Variants in ELOVL7 observed in about 807,000 individuals in gnomAD.
ELOVL7 encodes the protein ELOVL fatty acid elongase 7, also known as very long chain fatty acid elongase 7.
Under a neutral mutation model 35.7 loss-of-function variants are expected in ELOVL7, and 27 were observed. The observed-to-expected ratio is 0.76, with a 90% confidence interval of 0.56 to 1.04. ELOVL7 has a LOEUF of 1.04. Ranked by LOEUF, ELOVL7 falls within the 50% of genes least tolerant of loss-of-function variation. ELOVL7 has a pLI of 0.00. For synonymous variants in ELOVL7, 113 were observed against 114.6 expected (o/e 0.99, Z 0.09); for missense variants, 327 against 340.8 (o/e 0.96, Z 0.32).
At chr5:60,842,534 G>A (rs2112422849) in intron 1 of ELOVL7, among the ~76,000 whole-genome samples, 1 of 151,430 alleles carries the variant, frequency 6.6e-6, no homozygotes, top group Non-Finnish European at 1.5e-5. Context: ...AGGGTGTGGG[G>A]ATCCTAAACT....
intron 1 of ELOVL7, chr5:60,843,294 C>CT (rs1747291457): frequency 6.6e-6 from 1 of 152,334 alleles, no homozygotes; most frequent in Admixed American, 6.5e-5. Context: ...AAAGAGCGCT[C>CT]TGTCCGCACC....
chr5:60,787,762 C>T (rs1743688889), intron 2 of ELOVL7, among the ~76,000 whole-genome samples: 1 of 152,176 alleles, frequency 6.6e-6, no homozygotes, highest in Non-Finnish European at 1.5e-5. Context: ...GAACGGACTG[C>T]ACTTGAAGTG....
intron 3 of ELOVL7, among the ~76,000 whole-genome samples, chr5:60,776,074 T>C (rs985104138): frequency 7.2e-5 from 11 of 152,186 alleles, no homozygotes; most frequent in African/African-American, 2.4e-4. Flanking sequence ...ACACAAACTA[T>C]GCATCCAACA....
chr5:60,798,213 A>C (rs1361485823), intron 2 of ELOVL7, among the ~76,000 whole-genome samples: 1 of 152,210 alleles, frequency 6.6e-6, no homozygotes. Flanking sequence ...TAAAGTTTCA[A>C]AATTAACTGA....
intron 1 of ELOVL7, among the ~76,000 whole-genome samples, chr5:60,810,889 G>A (rs1028651547): frequency 1.1e-4 from 16 of 152,270 alleles, no homozygotes; most frequent in Admixed American, 8.5e-4. Flanking sequence ...CATGGCATTC[G>A]TCAATCAGTA....
At chr5:60,761,232 T>C (rs1741890438) in intron 7 of ELOVL7, among the ~76,000 whole-genome samples, 1 of 152,142 alleles carries the variant, frequency 6.6e-6, no homozygotes, top group Non-Finnish European at 1.5e-5. Flanking sequence ...ACCTGGGTAA[T>C]TATCACAATT....
intron 7 of ELOVL7, among the ~76,000 whole-genome samples, chr5:60,757,854 G>T (rs369814332): frequency 2.6e-5 from 4 of 152,014 alleles, no homozygotes; most frequent in African/African-American, 9.7e-5. Context: ...GTAAATTAGC[G>T]TATCTTTATT....
chr5:60,797,000 G>A (rs191023934), intron 2 of ELOVL7, among the ~76,000 whole-genome samples: 2 of 152,190 alleles, frequency 1.3e-5, no homozygotes, highest in Non-Finnish European at 2.9e-5. Context: ...AAGATATATA[G>A]TAGTCTGAAG....
intron 7 of ELOVL7, among the ~76,000 whole-genome samples, chr5:60,761,541 A>G (rs949412436): frequency 2.6e-5 from 4 of 152,124 alleles, no homozygotes; most frequent in Admixed American, 2.6e-4. Flanking sequence ...ATAAACCTCT[A>G]TTATTTACTC....
intron 1 of ELOVL7, among the ~76,000 whole-genome samples, chr5:60,805,304 A>C (rs1744859997): frequency 6.6e-6 from 1 of 152,224 alleles, no homozygotes; most frequent in South Asian, 2.1e-4. Context: ...AGATTATGAA[A>C]AGTTGCAGAT....
chr5:60,794,278 C>A (rs1744113404), intron 2 of ELOVL7, among the ~76,000 whole-genome samples: 1 of 152,218 alleles, frequency 6.6e-6, no homozygotes, highest in Non-Finnish European at 1.5e-5. Flanking sequence ...GCGCCTTCTT[C>A]GTAGAGCAGA....
intron 7 of ELOVL7, among the ~76,000 whole-genome samples, chr5:60,759,382 A>G (rs759712423): frequency 3.3e-5 from 5 of 152,198 alleles, no homozygotes; most frequent in Non-Finnish European, 5.9e-5. Context: ...ATTGTGGTAT[A>G]AGAACACCTT....
intron 4 of ELOVL7, chr5:60,768,769 A>G (rs1263329579): frequency 4.4e-6 from 2 of 451,984 alleles, no homozygotes; most frequent in Non-Finnish European, 8.9e-6. Context: ...GGCACTGACA[A>G]TATGATCAGT....
At chr5:60,794,367 T>C (rs545644637) in intron 2 of ELOVL7, among the ~76,000 whole-genome samples, 4 of 152,366 alleles carry the variant, frequency 2.6e-5, no homozygotes, top group African/African-American at 9.6e-5. Context: ...GTAGACCTAA[T>C]ACCAGAACAT....
At chr5:60,819,112 A>G (rs1579914171) in intron 1 of ELOVL7, among the ~76,000 whole-genome samples, 1 of 8,336 alleles carries the variant, frequency 1.2e-4, no homozygotes, top group African/African-American at 5.0e-4. Context: ...AGAGGAGAGG[A>G]GAGGAGAGGA....
chr5:60,759,290 A>C (rs937116146), intron 7 of ELOVL7, among the ~76,000 whole-genome samples: 10 of 152,234 alleles, frequency 6.6e-5, no homozygotes, highest in Admixed American at 5.9e-4. Flanking sequence ...TGAATTAATT[A>C]AGCGTATTAA....
intron 1 of ELOVL7, chr5:60,802,643 G>A (rs962755754): frequency 2.0e-5 from 3 of 152,260 alleles, no homozygotes; most frequent in African/African-American, 2.4e-5. Context: ...TATCTGGGAC[G>A]ACTGCTTGAA....
intron 3 of ELOVL7, among the ~76,000 whole-genome samples, chr5:60,777,179 G>T (rs548535961): frequency 6.4e-4 from 98 of 151,962 alleles, no homozygotes; most frequent in South Asian, 3.1e-3. Flanking sequence ...AGTATTTGGT[G>T]GCACGACAGG....
chr5:60,799,968 C>T (rs1013011030), intron 1 of ELOVL7, among the ~76,000 whole-genome samples: 3 of 135,490 alleles, frequency 2.2e-5, no homozygotes, highest in Non-Finnish European at 3.1e-5. Context: ...ACCTGGGAGG[C>T]GGAGGTTGCA....
Sources: gnomAD v4.1 joint callset for allele counts (sites outside exome capture counted in the v4.1 genomes callset) on GRCh38, gnomAD v4.1.1 for gene constraint, MANE v1.5 for transcripts, NCBI Gene and HGNC (gene_info 2026-07-23, HGNC 2026-07-21) for gene names.